Variants in NUPR1 observed in about 807,000 individuals in gnomAD.
NUPR1 encodes nuclear protein 1, transcriptional regulator, also known as nuclear protein 1.
A neutral mutation model predicts 7.3 loss-of-function variants in NUPR1; 8 were observed. That is an observed-to-expected ratio of 1.09 (90% CI 0.64 to 1.97). The LOEUF is 1.97. Among genes scored for constraint, NUPR1 ranks in the 30% most tolerant of loss-of-function variants. The pLI, the probability that NUPR1 is intolerant of heterozygous loss-of-function variation, is 0.00. For synonymous variants in NUPR1, 39 were observed against 44.5 expected (o/e 0.88, Z 0.49); for missense variants, 96 against 111.7 (o/e 0.86, Z 0.63).
chr16:28,538,317 C>T, intron 1 of NUPR1, 162 bp from the exon 2 acceptor site: 1 of 979,302 alleles, frequency 1.0e-6, no homozygotes. Context: ...TGTGAGGTCC[C>T]AGGCTGAGTA....
chr16:28,538,244 G>GGATGGGAAGAGCAGGGA, intron 1 of NUPR1, 89 bp from the exon 2 acceptor site: 2 of 1,589,094 alleles, frequency 1.3e-6, no homozygotes, highest in Non-Finnish European at 1.7e-6. Context: ...AGGGTTGTGG[G>GGATGGGAAGAGCAGGGA]GATGGGAAGA....
Position 28,535,571 on chromosome 16 carries a change from C to CCTTCTTTCTTTCCTTCCTTT in NUPR1, c.*2111_*2112insAAAGGAAGGAAAGAAAGAAG. ...TCTTTCTTTCTTTCTTTCCTTCCTT[C>CCTTCTTTCTTTCCTTCCTTT]CTTTCTTTCTTTCTTTCTTTCTTTC... On this transcript the variant is annotated 3_prime_UTR_variant, in exon 3 of 3. Transcript: ENST00000324873. 1 of 71,886 alleles carries CCTTCTTTCTTTCCTTCCTTT rather than the reference C, an allele frequency of 1.4e-5. No homozygotes were observed. The highest frequency in any genetic ancestry group is 2.6e-5 in the Non-Finnish European group (1 of 38,512). 4.5% of individuals were successfully genotyped at this position (71,886 alleles called of 1,614,324 possible).
rs939002647 is a variant in NUPR1, at chr16:28,533,496, C to T, written c.*4187G>A. 3 of 152,394 alleles carry T rather than the reference C, an allele frequency of 2.0e-5. No homozygotes were observed. The highest frequency in any genetic ancestry group is 7.2e-5 in the African/African-American group (3 of 41,440). The allele number at this position is 152,394 out of a possible 1,614,324, so 9.4% of individuals were successfully genotyped here. On this transcript the variant is annotated 3_prime_UTR_variant, in exon 3 of 3. Coordinates refer to ENST00000324873, the MANE Select transcript of NUPR1 (RefSeq NM_012385.3). ...CAAGAGATCCTCTCACCTCAGCCTC[C>T]TGAGTAGGTGGGCCCACAGGCACAA...
At chr16:28,538,669 G>T in intron 1 of NUPR1, 127 bp downstream of exon 1, 2 of 800,564 alleles carry the variant, frequency 2.5e-6, no homozygotes, top group South Asian at 1.4e-5. Context: ...GTGACAGAGT[G>T]ACTCTCTCAA....
Position 28,537,229 on chromosome 16 carries a change from C to T in NUPR1, c.*454G>A, listed in dbSNP as rs1406390066. 2 of 152,238 alleles carry T rather than the reference C, an allele frequency of 1.3e-5. No homozygotes were observed. The highest frequency in any genetic ancestry group is 2.9e-5 in the Non-Finnish European group (2 of 68,082). 9.4% of individuals were successfully genotyped at this position (152,238 alleles called of 1,614,324 possible). A position where few individuals can be genotyped will look rare whatever the true frequency, so the allele number is the denominator to read the frequency against. On this transcript the variant is annotated 3_prime_UTR_variant, in exon 3 of 3. Coordinates refer to ENST00000324873, the MANE Select transcript of NUPR1 (RefSeq NM_012385.3). ...AGACCCTGCAAGAGCAGGAACACTCCCTGCCCCAGATACATACACCAAACA... is the reference window on the plus strand; with the variant it reads ...AGACCCTGCAAGAGCAGGAACACTCTCTGCCCCAGATACATACACCAAACA...
intron 1 of NUPR1, 124 bp from the exon 2 acceptor site, chr16:28,538,279 C>T (rs1003881896): frequency 9.0e-6 from 13 of 1,440,494 alleles, no homozygotes; most frequent in Non-Finnish European, 1.2e-5. Flanking sequence ...GCTGCTTCCC[C>T]TCTGTGGAAT....
In NUPR1 at chr16:28,535,557, TTCTTTCCTTCCTTCC is replaced by T. The variant is rs1308869075; in HGVS notation, c.*2111_*2125del. On this transcript the variant is annotated 3_prime_UTR_variant, in exon 3 of 3. Coordinates refer to ENST00000324873, the MANE Select transcript of NUPR1 (RefSeq NM_012385.3). ...TTTCTTTCTTTCCTTCTTTCTTTCT[TTCTTTCCTTCCTTCC>T]TTTCTTTCTTTCTTTCTTTCTTTCT... The T allele has an allele frequency of 1.6e-4, 6 of 36,610 alleles. No individual in the cohort carries two copies. Among genetic ancestry groups the T allele is most frequent in the African/African-American group, 4.5e-4 (6 of 13,244 alleles). 2.3% of individuals were successfully genotyped at this position (36,610 alleles called of 1,614,324 possible).
In NUPR1 at chr16:28,538,736, G is replaced by A. The variant is rs368814965; in HGVS notation, c.112+60C>T. 6.6e-5 allele frequency: 82 copies of A among 1,234,766 alleles called. No homozygotes were observed. The African/African-American group carries it at 1.1e-3, about 17-fold the overall frequency. The allele number at this position is 1,234,766 out of a possible 1,614,324, so 76.5% of individuals were successfully genotyped here. A position where few individuals can be genotyped will look rare whatever the true frequency, so the allele number is the denominator to read the frequency against. ...GAAAGGAAATGAGAGGAAACAAGAG[G>A]GGTGGGTCCTGATTTCGGGAGAGGA... On this transcript the variant is annotated intron_variant, in intron 1 of 2. Transcript: ENST00000324873.
chr16:28,536,818 A>G lies in NUPR1; in HGVS notation c.*865T>C, dbSNP rs1344891256. ...GCTGGGATTACAGGCACCTGCCACC[A>G]TGCTTGGCTAATTTTTGGTATTTTT... On this transcript the variant is annotated 3_prime_UTR_variant, in exon 3 of 3. Transcript: ENST00000324873. The G allele has an allele frequency of 6.6e-6, 1 of 151,826 alleles. No individual in the cohort carries two copies. Among genetic ancestry groups the G allele is most frequent in the African/African-American group, 2.4e-5 (1 of 41,322 alleles). The allele number at this position is 151,826 out of a possible 1,614,324, so 9.4% of individuals were successfully genotyped here.
rs1567277539 is a variant in NUPR1, at chr16:28,535,583, T to TTCTTTCTTC, written c.*2099_*2100insGAAGAAAGA. On this transcript the variant is annotated 3_prime_UTR_variant, in exon 3 of 3. Coordinates refer to ENST00000324873, the MANE Select transcript of NUPR1 (RefSeq NM_012385.3). The stretch of plus-strand genomic sequence containing the variant: ...TCTTTCCTTCCTTCCTTTCTTTCTT[T>TTCTTTCTTC]CTTTCTTTCTTTCTTTCTTTCTTTC... 28 of 43,194 alleles carry TTCTTTCTTC rather than the reference T, an allele frequency of 6.5e-4. 1 individual carries two copies. Among genetic ancestry groups the TTCTTTCTTC allele is most frequent in the African/African-American group, 3.2e-3 (25 of 7,858 alleles). The allele number at this position is 43,194 out of a possible 1,614,324, so 2.7% of individuals were successfully genotyped here.
At chr16:28,538,711 G>T in intron 1 of NUPR1, 85 bp downstream of exon 1, 1 of 1,066,134 alleles carries the variant, frequency 9.4e-7, no homozygotes, top group Non-Finnish European at 1.5e-6. Flanking sequence ...AAGAGGAAAG[G>T]AAAGGAAATG....
Position 28,535,214 on chromosome 16 carries a change from T to C in NUPR1, c.*2469A>G, listed in dbSNP as rs2046602285. 6.6e-6 allele frequency: 1 copy of C among 152,198 alleles called. No homozygotes were observed. The highest frequency in any genetic ancestry group is 2.4e-5 in the African/African-American group (1 of 41,432). 9.4% of individuals were successfully genotyped at this position (152,198 alleles called of 1,614,324 possible). A position where few individuals can be genotyped will look rare whatever the true frequency, so the allele number is the denominator to read the frequency against. On this transcript the variant is annotated 3_prime_UTR_variant, in exon 3 of 3. Transcript: ENST00000324873. ...AAGATCCCTGAATATGAGCCCTGAGTGAGCTAGGGCAAATCCCTTAATATT... is the reference window on the plus strand; with the variant it reads ...AAGATCCCTGAATATGAGCCCTGAGCGAGCTAGGGCAAATCCCTTAATATT...
In NUPR1 at chr16:28,534,311, G is replaced by C. The variant is rs1020875133; in HGVS notation, c.*3372C>G. On this transcript the variant is annotated 3_prime_UTR_variant, in exon 3 of 3. Transcript: ENST00000324873. ...GGCTGTGATTAGGCTGGACTCAAGG[G>C]AAGGGGATGGATACAGGTCCCCAAG... is the stretch of plus-strand genomic sequence containing the variant. The C allele has an allele frequency of 6.6e-6, 1 of 152,212 alleles. No homozygotes were observed. Among genetic ancestry groups the C allele is most frequent in the African/African-American group, 2.4e-5 (1 of 41,412 alleles). 9.4% of individuals were successfully genotyped at this position (152,212 alleles called of 1,614,324 possible).
chr16:28,535,544 C>CTTTCTTTCTTTCTTTCTTTCCTTCCTTCT lies in NUPR1; in HGVS notation c.*2138_*2139insAGAAGGAAGGAAAGAAAGAAAGAAAGAAA, dbSNP rs1406601108. 5.2e-5 allele frequency: 3 copies of CTTTCTTTCTTTCTTTCTTTCCTTCCTTCT among 58,122 alleles called. No homozygotes were observed. Among genetic ancestry groups the CTTTCTTTCTTTCTTTCTTTCCTTCCTTCT allele is most frequent in the African/African-American group, 1.8e-4 (3 of 16,694 alleles). The allele number at this position is 58,122 out of a possible 1,614,324, so 3.6% of individuals were successfully genotyped here. On this transcript the variant is annotated 3_prime_UTR_variant, in exon 3 of 3. Coordinates refer to ENST00000324873, the MANE Select transcript of NUPR1 (RefSeq NM_012385.3). ...CTTTCTTTCTTTCTTTCTTTCTTTC[C>CTTTCTTTCTTTCTTTCTTTCCTTCCTTCT]TTCTTTCTTTCTTTCTTTCCTTCCT...
chr16:28,536,538 G>C lies in NUPR1; in HGVS notation c.*1145C>G, dbSNP rs1402493117. Reference sequence around the variant, plus strand: ...ACTCTGTCTCAAAAAAAAAATTGTAGAGATGGGGTCTTACTATGATGCTCA... The same window carrying C: ...ACTCTGTCTCAAAAAAAAAATTGTACAGATGGGGTCTTACTATGATGCTCA... On this transcript the variant is annotated 3_prime_UTR_variant, in exon 3 of 3. Coordinates refer to ENST00000324873, the MANE Select transcript of NUPR1 (RefSeq NM_012385.3). 3.9e-5 allele frequency: 6 copies of C among 152,148 alleles called. No individual in the cohort carries two copies. The highest frequency in any genetic ancestry group is 3.9e-4 in the Admixed American group (6 of 15,254). 9.4% of individuals were successfully genotyped at this position (152,148 alleles called of 1,614,324 possible).
rs1567277534 is a variant in NUPR1 at position 28,535,581 on chromosome 16, T to TTTCC, written c.*2101_*2102insGGAA. ...TTTCTTTCCTTCCTTCCTTTCTTTC[T>TTTCC]TTCTTTCTTTCTTTCTTTCTTTCTT... On this transcript the variant is annotated 3_prime_UTR_variant, in exon 3 of 3. Transcript: ENST00000324873. The TTTCC allele has an allele frequency of 1.5e-4, 5 of 33,428 alleles. No individual in the cohort carries two copies. Among genetic ancestry groups the TTTCC allele is most frequent in the African/African-American group, 1.0e-3 (5 of 5,000 alleles). The allele number at this position is 33,428 out of a possible 1,614,324, so 2.1% of individuals were successfully genotyped here.
At chr16:28,538,185 G>A (rs1567278599) in intron 1 of NUPR1, 30 bp from the exon 2 acceptor site, 1 of 1,614,016 alleles carries the variant, frequency 6.2e-7, no homozygotes, top group Admixed American at 1.7e-5. Flanking sequence ...CAGAGGTGAA[G>A]TGGGCATAGG....
Position 28,538,040 on chromosome 16 carries a change from C to T in NUPR1, c.228G>A (p.Lys76=). The part of the protein sequence containing the change: ...LVTKLQNSER[K]KRGARR ...TGTCTCAGCGCCGTGCCCCTCGCTT[C>T]TTCCTCTCTGAATTCTGCAGCTTGG... The change falls in exon 2 of 3, where the codon AAG becomes AAA. Residue 76 remains lysine (K), a synonymous_variant. Transcript: ENST00000324873. The T allele has an allele frequency of 1.2e-6, 2 of 1,614,004 alleles. No individual in the cohort carries two copies. Among genetic ancestry groups the T allele is most frequent in the South Asian group, 1.1e-5 (1 of 91,078 alleles).
Position 28,533,784 on chromosome 16 carries a change from G to C in NUPR1, c.*3899C>G, listed in dbSNP as rs1429531085. The C allele has an allele frequency of 1.3e-5, 2 of 152,342 alleles. No homozygotes were observed. Among genetic ancestry groups the C allele is most frequent in the Non-Finnish European group, 2.9e-5 (2 of 68,190 alleles). 9.4% of individuals were successfully genotyped at this position (152,342 alleles called of 1,614,324 possible). On this transcript the variant is annotated 3_prime_UTR_variant, in exon 3 of 3. Transcript: ENST00000324873. ...CAGAAAAACAGAAGCTTATTTAAGG[G>C]CAGGTATGAGAGACAGATTTCAGCC... is the stretch of plus-strand genomic sequence containing the variant.
Sources: gnomAD v4.1 joint callset for allele counts on GRCh38, gnomAD v4.1.1 for gene constraint, MANE v1.5 for transcripts, NCBI Gene and HGNC (gene_info 2026-07-23, HGNC 2026-07-21) for gene names.